LRRTM3: variants seen among roughly 807,000 people sequenced by gnomAD.
LRRTM3 encodes the protein leucine-rich repeat transmembrane neuronal protein 3.
A neutral mutation model predicts 44.7 loss-of-function variants in LRRTM3; 24 were observed. That is an observed-to-expected ratio of 0.54 (90% CI 0.39 to 0.76). The LOEUF is 0.76. Among genes scored for constraint, LRRTM3 ranks in the 30% least tolerant of loss-of-function variants. The pLI, the probability that LRRTM3 is intolerant of heterozygous loss-of-function variation, is 0.00. For missense variants in LRRTM3, 587 were observed against 702.2 expected, an observed-to-expected ratio of 0.84 and a Z score of 1.85; for synonymous variants, 277 against 278.7, an observed-to-expected ratio of 0.99 and a Z score of 0.06.
intron 2 of LRRTM3, among the ~76,000 whole-genome samples, chr10:67,085,607 A>G (rs1167235480): frequency 6.6e-6 from 1 of 151,976 alleles, no homozygotes; most frequent in Non-Finnish European, 1.5e-5. Context: ...ACTTACTTTT[A>G]AAGTTTATGT....
chr10:66,978,065 TATACAC>T (rs368125601), intron 2 of LRRTM3, among the ~76,000 whole-genome samples: 14,885 of 41,576 alleles, frequency 0.36, 958 homozygotes, highest in Middle Eastern at 0.43. Flanking sequence ...TATATATATA[TATACAC>T]ACACACACAC....
chr10:67,072,685 T>C lies in LRRTM3; in HGVS notation c.1537-24902T>C, dbSNP rs74887591. ...CTGGATTTTGATTGAAAGCCTGGTATATCTTTATCTTCTGGGCCCTGAAAA... is the reference window on the plus strand; with the variant it reads ...CTGGATTTTGATTGAAAGCCTGGTACATCTTTATCTTCTGGGCCCTGAAAA... On this transcript the variant is annotated intron_variant, in intron 2 of 2. Coordinates refer to ENST00000361320, the MANE Select transcript of LRRTM3 (RefSeq NM_178011.5). Among the ~76,000 whole-genome samples, 1,561 of 152,320 alleles carry C rather than the reference T, an allele frequency of 0.01. 65 individuals are homozygous for C. In the East Asian group the frequency reaches 0.14, roughly 14 times the overall value.
At chr10:67,080,729 G>T (rs1319287445) in intron 2 of LRRTM3, among the ~76,000 whole-genome samples, 1 of 151,942 alleles carries the variant, frequency 6.6e-6, no homozygotes, top group African/African-American at 2.4e-5. Flanking sequence ...CTAACACAGT[G>T]AAACCCCATC....
At chr10:67,045,474 G>T (rs1589654957) in intron 2 of LRRTM3, among the ~76,000 whole-genome samples, 2 of 152,108 alleles carry the variant, frequency 1.3e-5, no homozygotes, top group East Asian at 3.9e-4. Flanking sequence ...TGTTGCGAGG[G>T]CTGACTTTCA....
chr10:67,094,475 G>A (rs558999438), intron 2 of LRRTM3, among the ~76,000 whole-genome samples: 1 of 151,864 alleles, frequency 6.6e-6, no homozygotes, highest in Non-Finnish European at 1.5e-5. Flanking sequence ...TGGGGGAACA[G>A]TGTATAATTA....
intron 2 of LRRTM3, among the ~76,000 whole-genome samples, chr10:67,053,820 C>G (rs1357027190): frequency 6.6e-6 from 1 of 152,072 alleles, no homozygotes; most frequent in Non-Finnish European, 1.5e-5. Context: ...TCTTTTGAAG[C>G]CAAAACAAAA....
chr10:66,980,106 T>A (rs1850327341), intron 2 of LRRTM3, among the ~76,000 whole-genome samples: 1 of 152,160 alleles, frequency 6.6e-6, no homozygotes, highest in Non-Finnish European at 1.5e-5. Flanking sequence ...TATTTCCTGG[T>A]TACTAATCAA....
intron 2 of LRRTM3, among the ~76,000 whole-genome samples, chr10:66,971,623 A>C (rs951766908): frequency 2.0e-5 from 3 of 152,152 alleles, no homozygotes; most frequent in Non-Finnish European, 2.9e-5. Context: ...TAGAGTGCCC[A>C]CTTAGAGTAA....
chr10:66,989,682 A>G (rs568980143), intron 2 of LRRTM3, among the ~76,000 whole-genome samples: 1 of 152,294 alleles, frequency 6.6e-6, no homozygotes, highest in Non-Finnish European at 1.5e-5. Context: ...TTACATAATA[A>G]GACTACTTAT....
At chr10:67,033,551 C>T (rs1221301246) in intron 2 of LRRTM3, among the ~76,000 whole-genome samples, 1 of 152,204 alleles carries the variant, frequency 6.6e-6, no homozygotes, top group African/African-American at 2.4e-5. Context: ...ACTTCTACTA[C>T]TTATAACACA....
intron 2 of LRRTM3, among the ~76,000 whole-genome samples, chr10:67,085,956 T>TGCC (rs1258115539): frequency 6.6e-6 from 1 of 151,982 alleles, no homozygotes. Flanking sequence ...CAGAAGATCT[T>TGCC]TCCCTCCACT....
At chr10:67,067,406 C>T (rs528771287) in intron 2 of LRRTM3, among the ~76,000 whole-genome samples, 1 of 152,256 alleles carries the variant, frequency 6.6e-6, no homozygotes, top group East Asian at 1.9e-4. Flanking sequence ...CACTTTTTCC[C>T]TTATCTAATG....
Position 66,927,750 on chromosome 10 carries a change from G to T in LRRTM3, c.834G>T (p.Pro278=), listed in dbSNP as rs776144084. The change falls in exon 2 of 3, where the codon CCG becomes CCT. Residue 278 remains proline, a synonymous_variant. Transcript: ENST00000361320. The surrounding 1 kb of genome is among the most constrained non-coding windows in gnomAD (Gnocchi z 4.7). ...FSGPSVFQCV[P]NLQRLNLDSN... ...GACCCAGTGTTTTCCAGTGTGTCCC[G>T]AATCTGCAGCGCCTCAACCTGGATT... 1.1e-5 allele frequency: 18 copies of T among 1,614,138 alleles called. No homozygotes were observed. The highest frequency in any genetic ancestry group is 1.3e-5 in the Non-Finnish European group (15 of 1,180,020).
At chr10:67,019,086 GTTAAT>G (rs1270531780) in intron 2 of LRRTM3, among the ~76,000 whole-genome samples, 2 of 152,266 alleles carry the variant, frequency 1.3e-5, no homozygotes, top group African/African-American at 4.8e-5. Flanking sequence ...TATTTTCTGA[GTTAAT>G]TAATGAATCA....
chr10:67,060,472 T>A (rs1365379206), intron 2 of LRRTM3, among the ~76,000 whole-genome samples: 2 of 152,238 alleles, frequency 1.3e-5, no homozygotes, highest in African/African-American at 4.8e-5. Context: ...TTTCCAATTG[T>A]GGCAGAAATA....
chr10:66,990,221 G>C (rs1850968406), intron 2 of LRRTM3, among the ~76,000 whole-genome samples: 1 of 152,122 alleles, frequency 6.6e-6, no homozygotes, highest in South Asian at 2.1e-4. Context: ...AAAGTAATGA[G>C]GTGGGGCCAA....
chr10:66,967,963 T>A (rs1466071187), intron 2 of LRRTM3, among the ~76,000 whole-genome samples: 1 of 151,952 alleles, frequency 6.6e-6, no homozygotes, highest in Admixed American at 6.6e-5. Context: ...GATGAATGGG[T>A]TTTTTAACAG....
chr10:66,958,872 G>T (rs1441920921), intron 2 of LRRTM3, among the ~76,000 whole-genome samples: 1 of 152,124 alleles, frequency 6.6e-6, no homozygotes, highest in Non-Finnish European at 1.5e-5. Context: ...GCACTTTCAA[G>T]ATACGTGATA....
At chr10:66,955,399 T>C (rs572383559) in intron 2 of LRRTM3, among the ~76,000 whole-genome samples, 1 of 152,294 alleles carries the variant, frequency 6.6e-6, no homozygotes, top group African/African-American at 2.4e-5. Flanking sequence ...ATTCTCACAA[T>C]CACCCTATGA....
Sources: gnomAD v4.1 joint callset for allele counts (sites outside exome capture counted in the v4.1 genomes callset) on GRCh38, gnomAD v4.1.1 for gene constraint, Gnocchi (gnomAD v3.1) non-coding constraint, MANE v1.5 for transcripts, NCBI Gene and HGNC (gene_info 2026-07-23, HGNC 2026-07-21) for gene names.